The following PARD3B variants were observed in gnomAD, a reference collection of about 807,000 sequenced individuals.
PARD3B encodes the protein partitioning defective 3 homolog B.
PARD3B carries 103 observed loss-of-function variants against 130.2 expected under a neutral mutation model. The observed-to-expected ratio is 0.79, with a 90% confidence interval of 0.67 to 0.93. PARD3B has a LOEUF of 0.93. Among genes scored for constraint, PARD3B ranks in the 40% least tolerant of loss-of-function variants. The pLI is 0.00. For missense variants in PARD3B, 1,609 were observed against 1,499.2 expected, an observed-to-expected ratio of 1.07 and a Z score of -1.21; for synonymous variants, 583 against 553.2, an observed-to-expected ratio of 1.05 and a Z score of -0.76.
Position 205,219,756 on chromosome 2 carries a change from C to T in PARD3B, c.2141-26022C>T, listed in dbSNP as rs763461130. On this transcript the variant is annotated intron_variant, in intron 15 of 22. Transcript: ENST00000406610. ...GTTACTACGTCTTTATGGTTACTTC[C>T]ATTCTGGGCTGGCTCATTAACTTTG... Among the ~76,000 whole-genome samples the T allele has an allele frequency of 6.6e-5, 10 of 152,160 alleles. No individual in the cohort carries two copies. The South Asian group carries it at 1.5e-3, about 22-fold the overall frequency.
At chr2:205,225,579 A>T (rs943675010) in intron 15 of PARD3B, among the ~76,000 whole-genome samples, 2 of 152,186 alleles carry the variant, frequency 1.3e-5, no homozygotes, top group African/African-American at 4.8e-5. Context: ...TGGGTAATTT[A>T]TGAAGAAAAG....
At chr2:204,844,619 C>T (rs886141684) in intron 2 of PARD3B, among the ~76,000 whole-genome samples, 2 of 152,018 alleles carry the variant, frequency 1.3e-5, no homozygotes, top group Admixed American at 6.6e-5. Context: ...ATTTTTACAT[C>T]GAAGATGAAG....
chr2:205,238,890 A>ATATATATATATATATATATGTATGTGTG (rs2039216115), intron 15 of PARD3B, among the ~76,000 whole-genome samples: 1 of 102,728 alleles, frequency 9.7e-6, no homozygotes, highest in African/African-American at 4.2e-5. Flanking sequence ...ATGTGTGTAT[A>ATATATATATATATATATATGTATGTGTG]TATATATATA....
intron 15 of PARD3B, among the ~76,000 whole-genome samples, chr2:205,220,518 G>C (rs895879934): frequency 6.6e-6 from 1 of 152,164 alleles, no homozygotes; most frequent in African/African-American, 2.4e-5. Context: ...TAACAAATAT[G>C]TATTGAGTGC....
At chr2:205,306,380 T>A (rs964308002) in intron 18 of PARD3B, among the ~76,000 whole-genome samples, 7 of 152,210 alleles carry the variant, frequency 4.6e-5, no homozygotes, top group African/African-American at 1.7e-4. Flanking sequence ...AGGAAGAGTT[T>A]TTTCTTTAAG....
In PARD3B at chr2:205,470,473, A is replaced by G. The variant is rs943949216; in HGVS notation, c.3045-29423A>G. Among the ~76,000 whole-genome samples, 1 of 152,196 alleles carries G rather than the reference A, an allele frequency of 6.6e-6. No individual in the cohort carries two copies. The highest frequency in any genetic ancestry group is 2.4e-5 in the African/African-American group (1 of 41,438). On this transcript the variant is annotated intron_variant, in intron 20 of 22. Transcript: ENST00000406610. This position sits in a 1 kb window ranked among gnomAD's most constrained non-coding sequence, Gnocchi z 4.8. ...CACCCCTGCAGGAGTATTTAAGCTTAACCCCAGATTTCAGGAGTTAGAGCA... is the reference window on the plus strand; with the variant it reads ...CACCCCTGCAGGAGTATTTAAGCTTGACCCCAGATTTCAGGAGTTAGAGCA...
chr2:205,050,460 G>T (rs1699114776), intron 4 of PARD3B, among the ~76,000 whole-genome samples: 1 of 151,744 alleles, frequency 6.6e-6, no homozygotes, highest in South Asian at 2.1e-4. Flanking sequence ...CTTATGGAAT[G>T]TTTAGATCTA....
At chr2:205,298,578 C>T (rs2041877032) in intron 16 of PARD3B, among the ~76,000 whole-genome samples, 1 of 151,944 alleles carries the variant, frequency 6.6e-6, no homozygotes, top group Admixed American at 6.6e-5. Flanking sequence ...ATTGCACTTA[C>T]CCTACATTAA....
Position 205,011,423 on chromosome 2 carries a change from C to T in PARD3B, c.395-36158C>T, listed in dbSNP as rs961080824. 1.3e-5 allele frequency among the ~76,000 whole-genome samples: 2 copies of T among 152,136 alleles called. No individual in the cohort carries two copies. The highest frequency in any genetic ancestry group is 1.3e-4 in the Admixed American group (2 of 15,276). On this transcript the variant is annotated intron_variant, in intron 3 of 22. Coordinates refer to ENST00000406610, the MANE Select transcript of PARD3B (RefSeq NM_001302769.2). This position sits in a 1 kb window ranked among gnomAD's most constrained non-coding sequence, Gnocchi z 4.1. ...TTGGGACATGGCAGCTGCATCCCCT[C>T]AGAACAAGTGACTCGAGAGAGAAAT...
chr2:205,134,490 A>AC (rs60935117), intron 10 of PARD3B, among the ~76,000 whole-genome samples: 151,118 of 152,276 alleles, frequency 0.99, 75,000 homozygotes, highest in Middle Eastern at 1. Flanking sequence ...ATGCCACTGC[A>AC]TCTAGCCTGG....
At chr2:205,602,625 C>T (rs1033649694) in intron 22 of PARD3B, among the ~76,000 whole-genome samples, 3 of 152,134 alleles carry the variant, frequency 2.0e-5, no homozygotes, top group Admixed American at 6.5e-5. Flanking sequence ...GGAATTTATC[C>T]ATTTCTTCTA....
At chr2:205,063,940 G>T (rs73057125) in intron 4 of PARD3B, among the ~76,000 whole-genome samples, 1,729 of 150,506 alleles carry the variant, frequency 0.011, 28 homozygotes, top group African/African-American at 0.039. Flanking sequence ...AAAAAAAAAC[G>T]CATATCCAAA....
At chr2:204,645,942 CTCTT>C (rs1376553002) in intron 1 of PARD3B, among the ~76,000 whole-genome samples, 1 of 152,102 alleles carries the variant, frequency 6.6e-6, no homozygotes, top group African/African-American at 2.4e-5. Context: ...TAACGTGTCT[CTCTT>C]CCTTCTTGTC....
At chr2:205,168,657 G>GC (rs2034970489) in intron 11 of PARD3B, among the ~76,000 whole-genome samples, 1 of 148,100 alleles carries the variant, frequency 6.8e-6, no homozygotes, top group African/African-American at 2.5e-5. Context: ...TAGGTAGACA[G>GC]CCTTTTTTTT....
Position 205,193,300 on chromosome 2 carries a change from C to T in PARD3B, c.2120C>T (p.Ala707Val). 1.9e-6 allele frequency: 3 copies of T among 1,610,466 alleles called. No individual in the cohort carries two copies. The highest frequency in any genetic ancestry group is 2.5e-6 in the Non-Finnish European group (3 of 1,176,700). The change falls in exon 15 of 23, where the codon GCC becomes GTC. Residue 707 changes from alanine to valine, a missense_variant. Physicochemically the swap from Ala to Val is moderately conservative, Grantham distance 64. Coordinates refer to ENST00000406610, the MANE Select transcript of PARD3B (RefSeq NM_001302769.2). ...ARQPESINLKASKSMDLVPDE... is the reference protein window; with the variant it reads ...ARQPESINLKVSKSMDLVPDE... ...CAGCCTGAATCAATTAATTTGAAAG[C>T]CTCGAAGAGCATGGACCTTGGTAAG...
At chr2:204,924,116 T>C (rs896956386) in intron 2 of PARD3B, among the ~76,000 whole-genome samples, 3 of 152,048 alleles carry the variant, frequency 2.0e-5, no homozygotes, top group African/African-American at 7.2e-5. Context: ...ATGAGTCTTG[T>C]TTTGAAACAG....
chr2:205,164,051 AGAT>A (rs993139756), intron 11 of PARD3B, among the ~76,000 whole-genome samples: 1 of 152,214 alleles, frequency 6.6e-6, no homozygotes, highest in African/African-American at 2.4e-5. Context: ...CTAACCACAA[AGAT>A]GTGATACATT....
At chr2:204,740,117 G>A (rs1443644677) in intron 2 of PARD3B, among the ~76,000 whole-genome samples, 1 of 151,796 alleles carries the variant, frequency 6.6e-6, no homozygotes, top group African/African-American at 2.4e-5. Flanking sequence ...AGGTTCGAGT[G>A]ATTCTACTGC....
rs554679065 is a variant in PARD3B, at chr2:205,321,452, CTT to C, written c.2630+19753_2630+19754del. Among the ~76,000 whole-genome samples the C allele has an allele frequency of 6.0e-4, 92 of 152,154 alleles. No individual in the cohort carries two copies. Among genetic ancestry groups the C allele is most frequent in the African/African-American group, 2.0e-3 (83 of 41,530 alleles). ...GAATTAGCTGTAGCATTCTCTCTCT[CTT>C]TCTCTCTCTTCCTCTCTCTCTTTCC... is the stretch of plus-strand genomic sequence containing the variant. On this transcript the variant is annotated intron_variant, in intron 18 of 22. Coordinates refer to ENST00000406610, the MANE Select transcript of PARD3B (RefSeq NM_001302769.2). This position sits in a 1 kb window ranked among gnomAD's most constrained non-coding sequence, Gnocchi z 4.2.
Sources: gnomAD v4.1 joint callset for allele counts (sites outside exome capture counted in the v4.1 genomes callset) on GRCh38, gnomAD v4.1.1 for gene constraint, Gnocchi (gnomAD v3.1) non-coding constraint, MANE v1.5 for transcripts, NCBI Gene and HGNC (gene_info 2026-07-23, HGNC 2026-07-21) for gene names.